The following MGAT5 variants were observed in gnomAD, a reference collection of about 807,000 sequenced individuals.
MGAT5 encodes alpha-1,6-mannosylglycoprotein 6-beta-N-acetylglucosaminyltransferase A.
In MGAT5, 30 loss-of-function variants were observed where a neutral mutation model predicts 94.3. The observed-to-expected ratio is 0.32, with a 90% CI of 0.24 to 0.43. The LOEUF (loss-of-function observed/expected upper bound fraction) is 0.43. Among genes scored for constraint, MGAT5 ranks in the 20% least tolerant of loss-of-function variants. The probability of loss-of-function intolerance (pLI) is 1.00; values close to 1 mark genes in which losing one functional copy is unlikely to be tolerated. For synonymous variants in MGAT5, 310 were observed against 322.9 expected, an observed-to-expected ratio of 0.96 and a Z score of 0.43; for missense variants, 691 against 905.5, an observed-to-expected ratio of 0.76 and a Z score of 3.04.
chr2:134,431,148 G>A (rs1448489086), intron 14 of MGAT5, among the ~76,000 whole-genome samples: 4 of 152,166 alleles, frequency 2.6e-5, no homozygotes, highest in Non-Finnish European at 5.9e-5. Flanking sequence ...GATGAGGTAA[G>A]AGACCAGGCT....
chr2:134,277,537 A>G (rs1684454998), intron 2 of MGAT5, among the ~76,000 whole-genome samples: 1 of 152,144 alleles, frequency 6.6e-6, no homozygotes, highest in South Asian at 2.1e-4. Flanking sequence ...TGCCCCCATA[A>G]TCCATTCACC....
chr2:134,189,597 T>TTTTTTGTTTTG (rs796171408), intron 1 of MGAT5, among the ~76,000 whole-genome samples: 8,892 of 87,158 alleles, frequency 0.1, 820 homozygotes, highest in East Asian at 0.31. Flanking sequence ...CTCTAGTTTT[T>TTTTTTGTTTTG]TTTTGTTTTT....
chr2:134,133,423 A>T (rs940343600), intron 1 of MGAT5, among the ~76,000 whole-genome samples: 1 of 152,206 alleles, frequency 6.6e-6, no homozygotes, highest in African/African-American at 2.4e-5. Flanking sequence ...CTTCAGAGGG[A>T]TCTGGATATG....
chr2:134,233,911 C>G (rs1054375137), intron 1 of MGAT5, among the ~76,000 whole-genome samples: 6 of 152,248 alleles, frequency 3.9e-5, no homozygotes, highest in South Asian at 4.1e-4. Flanking sequence ...AGGTTTGACT[C>G]TGGCTCTCTT....
chr2:134,428,767 G>A (rs187710037), intron 14 of MGAT5, among the ~76,000 whole-genome samples: 111 of 152,318 alleles, frequency 7.3e-4, no homozygotes, highest in African/African-American at 2.7e-3. Flanking sequence ...AGAAAGGCAA[G>A]AATTGAAACC....
chr2:134,419,522 A>C (rs1208249807), intron 12 of MGAT5, among the ~76,000 whole-genome samples: 1 of 148,556 alleles, frequency 6.7e-6, no homozygotes, highest in African/African-American at 2.5e-5. Flanking sequence ...CTCCTTGGAG[A>C]TTTAATAGCC....
At chr2:134,267,282 C>T (rs1443840756) in intron 1 of MGAT5, among the ~76,000 whole-genome samples, 9 of 152,194 alleles carry the variant, frequency 5.9e-5, no homozygotes, top group Non-Finnish European at 1.2e-4. Flanking sequence ...GATCTGTAAT[C>T]ACCTCTGCTA....
intron 1 of MGAT5, among the ~76,000 whole-genome samples, chr2:134,214,698 G>A (rs924246262): frequency 6.6e-6 from 1 of 152,084 alleles, no homozygotes; most frequent in African/African-American, 2.4e-5. Flanking sequence ...AGGGAGCTTT[G>A]TATTAGGAAT....
At chr2:134,172,456 A>G (rs937481772) in intron 1 of MGAT5, among the ~76,000 whole-genome samples, 3 of 151,758 alleles carry the variant, frequency 2.0e-5, no homozygotes, top group East Asian at 1.9e-4. Context: ...GCACGATCTC[A>G]GCTCACTGCA....
At chr2:134,229,711 C>T (rs926846736) in intron 1 of MGAT5, among the ~76,000 whole-genome samples, 5 of 152,160 alleles carry the variant, frequency 3.3e-5, no homozygotes, top group African/African-American at 9.6e-5. Context: ...TATTATGTAT[C>T]GAAAACAGAA....
chr2:134,330,538 G>A (rs1687899194), intron 4 of MGAT5, among the ~76,000 whole-genome samples: 1 of 115,194 alleles, frequency 8.7e-6, no homozygotes, highest in African/African-American at 3.6e-5. Context: ...AGGCCCTATG[G>A]GGAATTAAAT....
intron 1 of MGAT5, among the ~76,000 whole-genome samples, chr2:134,144,362 G>A (rs1334635794): frequency 2.0e-5 from 3 of 152,172 alleles, no homozygotes; most frequent in African/African-American, 4.8e-5. Context: ...GAGAGAGGCG[G>A]GAGGTGCTAC....
chr2:134,309,642 G>C (rs1223020244), intron 2 of MGAT5, among the ~76,000 whole-genome samples: 1 of 152,080 alleles, frequency 6.6e-6, no homozygotes, highest in African/African-American at 2.4e-5. Flanking sequence ...TGTGCTCCTA[G>C]GTGTGTGAAT....
At chr2:134,343,827 A>G (rs1447480897) in intron 7 of MGAT5, among the ~76,000 whole-genome samples, 2 of 152,186 alleles carry the variant, frequency 1.3e-5, no homozygotes, top group African/African-American at 4.8e-5. Context: ...TACGTATCAT[A>G]TATAGCTGTC....
At chr2:134,361,014 A>G (rs1377350484) in intron 9 of MGAT5, among the ~76,000 whole-genome samples, 2 of 152,018 alleles carry the variant, frequency 1.3e-5, no homozygotes, top group Non-Finnish European at 2.9e-5. Context: ...TCCCTTCTTC[A>G]TTGTGTTCCC....
intron 14 of MGAT5, among the ~76,000 whole-genome samples, chr2:134,429,382 TA>T (rs1318448824): frequency 6.6e-6 from 1 of 152,210 alleles, no homozygotes; most frequent in Non-Finnish European, 1.5e-5. Flanking sequence ...GTGTGTCTGA[TA>T]TGCTGAGCTT....
intron 1 of MGAT5, among the ~76,000 whole-genome samples, chr2:134,136,676 T>C (rs1311300713): frequency 6.6e-6 from 1 of 152,230 alleles, no homozygotes; most frequent in Non-Finnish European, 1.5e-5. Context: ...TTTTATGCAT[T>C]AAAAAAGTCT....
chr2:134,344,898 T>C (rs762648995), intron 7 of MGAT5, 32 bp from the exon 8 acceptor site: 12 of 1,603,698 alleles, frequency 7.5e-6, no homozygotes, highest in Non-Finnish European at 9.4e-6. Flanking sequence ...ATTTTTCTCT[T>C]TTTTCTCCCC....
At chr2:134,156,289 A>G (rs1687477429) in intron 1 of MGAT5, among the ~76,000 whole-genome samples, 1 of 152,208 alleles carries the variant, frequency 6.6e-6, no homozygotes, top group Non-Finnish European at 1.5e-5. Context: ...GGAGGGGATC[A>G]TGGAGTGCCA....
Sources: gnomAD v4.1 joint callset for allele counts (sites outside exome capture counted in the v4.1 genomes callset) on GRCh38, gnomAD v4.1.1 for gene constraint, MANE v1.5 for transcripts, NCBI Gene and HGNC (gene_info 2026-07-23, HGNC 2026-07-21) for gene names.